NXNL2: variants seen among roughly 807,000 people sequenced by gnomAD.
The protein encoded by NXNL2 is nucleoredoxin like 2.
Under a neutral mutation model 11.1 loss-of-function variants are expected in NXNL2, and 7 were observed. The observed-to-expected ratio is 0.63, with a 90% CI of 0.36 to 1.18. The LOEUF (loss-of-function observed/expected upper bound fraction) is 1.18, where lower values mean the gene tolerates loss of function less well. Among genes scored for constraint, NXNL2 ranks in the 50% most tolerant of loss-of-function variants. NXNL2 has a pLI of 0.02. For synonymous variants in NXNL2, 109 were observed against 101.8 expected, an observed-to-expected ratio of 1.07 and a Z score of -0.42; for missense variants, 233 against 217.7, an observed-to-expected ratio of 1.07 and a Z score of -0.44.
intron 1 of NXNL2, among the ~76,000 whole-genome samples, chr9:88,540,304 T>C (rs374183731): frequency 8.0e-4 from 121 of 150,372 alleles, no homozygotes; most frequent in African/African-American, 2.7e-3. Context: ...TGCACTCCAG[T>C]CTGGGCGAAA....
In NXNL2 at chr9:88,535,494, C is replaced by G. The variant is rs750956219; in HGVS notation, c.60C>G (p.Ala20=). Residue 20 remains alanine (A), a synonymous_variant, in exon 1 of 2, where the codon GCC becomes GCG. Coordinates refer to ENST00000375854, the MANE Select transcript of NXNL2 (RefSeq NM_001161625.2). Reference sequence around the variant, plus strand: ...CCTGTAAGGGCGCGACGGTGGAGGCCGAGGCGGCGCTGCAGAACAAGGTGG... The same window carrying G: ...CCTGTAAGGGCGCGACGGTGGAGGCGGAGGCGGCGCTGCAGAACAAGGTGG... ...LVTCKGATVE[A]EAALQNKVVA... 1 of 1,609,592 alleles carries G rather than the reference C, an allele frequency of 6.2e-7. No homozygotes were observed. Among genetic ancestry groups the G allele is most frequent in the South Asian group, 1.1e-5 (1 of 90,878 alleles).
chr9:88,543,694 A>G (rs1312667216), intron 1 of NXNL2, among the ~76,000 whole-genome samples: 1 of 152,210 alleles, frequency 6.6e-6, no homozygotes, highest in Non-Finnish European at 1.5e-5. Flanking sequence ...GCCACTAGCC[A>G]CTTGTGACAA....
At chr9:88,547,797 A>T (rs183129286), downstream of NXNL2, among the ~76,000 whole-genome samples, 718 of 146,938 alleles carry the variant, frequency 4.9e-3, 6 homozygotes, top group African/African-American at 0.017. Context: ...TGGGTGGATT[A>T]CCTAAGGTCA....
chr9:88,546,428 T>TC, downstream of NXNL2, among the ~76,000 whole-genome samples: 1 of 147,750 alleles, frequency 6.8e-6, no homozygotes, highest in East Asian at 2.0e-4. Context: ...TTTTTTTTTT[T>TC]TTTTTTTCTG....
At chr9:88,565,164 C>T (rs1445513408) in intron 1 of NXNL2, among the ~76,000 whole-genome samples, 1 of 152,200 alleles carries the variant, frequency 6.6e-6, no homozygotes, top group Non-Finnish European at 1.5e-5. Context: ...CCTCAAGGTT[C>T]ATTTGTGTTG....
At chr9:88,546,183 CACA>C (rs1231350658), downstream of NXNL2, among the ~76,000 whole-genome samples, 1 of 129,756 alleles carries the variant, frequency 7.7e-6, no homozygotes, top group East Asian at 3.8e-4. Context: ...GTGTGAGAAC[CACA>C]ACCACACACT....
intron 1 of NXNL2, among the ~76,000 whole-genome samples, chr9:88,536,008 G>T (rs1829610188): frequency 6.6e-6 from 1 of 152,192 alleles, no homozygotes. Flanking sequence ...TTTCTGCCTG[G>T]GGTCTGGAGC....
chr9:88,578,098 T>A (rs1338804113), downstream of NXNL2, among the ~76,000 whole-genome samples: 1 of 152,130 alleles, frequency 6.6e-6, no homozygotes, highest in Non-Finnish European at 1.5e-5. Context: ...AAGTTAAGAG[T>A]GGGGTGGTAG....
intron 1 of NXNL2, among the ~76,000 whole-genome samples, chr9:88,564,737 C>G (rs1830142902): frequency 6.6e-6 from 1 of 152,208 alleles, no homozygotes; most frequent in African/African-American, 2.4e-5. Context: ...TCTGTCTAAT[C>G]TATTATCTGT....
chr9:88,566,984 C>T (rs1175561055), intron 1 of NXNL2, among the ~76,000 whole-genome samples: 1 of 147,532 alleles, frequency 6.8e-6, no homozygotes, highest in Non-Finnish European at 1.5e-5. Context: ...ATCTATCTAT[C>T]TATCTATCTA....
At chr9:88,574,709 C>T (rs184401335) in intron 2 of NXNL2, among the ~76,000 whole-genome samples, 8 of 152,272 alleles carry the variant, frequency 5.3e-5, no homozygotes, top group Admixed American at 3.9e-4. Flanking sequence ...ATATTTGGGG[C>T]TGGATCCTTA....
Position 88,541,036 on chromosome 9 carries a change from C to T in NXNL2, c.303-3343C>T, listed in dbSNP as rs1433744696. Among the ~76,000 whole-genome samples, 4 of 140,248 alleles carry T rather than the reference C, an allele frequency of 2.9e-5. No individual in the cohort carries two copies. In the Admixed American group the frequency reaches 2.9e-4, roughly 10 times the overall value. The allele number at this position is 140,248 out of a possible 152,430, so 92.0% of individuals were successfully genotyped here. On this transcript the variant is annotated intron_variant, in intron 1 of 1. Coordinates refer to ENST00000375854, the MANE Select transcript of NXNL2 (RefSeq NM_001161625.2). Reference sequence around the variant, plus strand: ...TCACAGCTCCCTGCAACCTTGAACTCCTGGGTTCAAGCGATCCTCATGCCT... The same window carrying T: ...TCACAGCTCCCTGCAACCTTGAACTTCTGGGTTCAAGCGATCCTCATGCCT...
In NXNL2 at chr9:88,544,517, G is replaced by T. The variant is rs376120424; in HGVS notation, c.441G>T (p.Ala147=). 6 of 1,545,914 alleles carry T rather than the reference G, an allele frequency of 3.9e-6. No individual in the cohort carries two copies. In the East Asian group the frequency reaches 1.5e-4, roughly 38 times the overall value. The change falls in exon 2 of 2, where the codon GCG becomes GCT. Residue 147 remains alanine (A), a synonymous_variant. Coordinates refer to ENST00000375854, the MANE Select transcript of NXNL2 (RefSeq NM_001161625.2). ...CCTGCTTCCAGGACTGGGTGGAGGC[G>T]GCCGATATCTTCCAGAATTTCTCCG... ...GLACFQDWVE[A]ADIFQNFSV is the part of the protein sequence containing the mutation.
chr9:88,535,815 G>A, intron 1 of NXNL2, 79 bp downstream of exon 1: 2 of 1,237,202 alleles, frequency 1.6e-6, no homozygotes, highest in African/African-American at 1.5e-5. Flanking sequence ...CTCTGCACTG[G>A]GGAGCTCTTT....
At chr9:88,538,915 C>T (rs1211506791) in intron 1 of NXNL2, among the ~76,000 whole-genome samples, 2 of 152,160 alleles carry the variant, frequency 1.3e-5, no homozygotes, top group Non-Finnish European at 2.9e-5. Context: ...GGTTAACTAG[C>T]CTGCCCATGA....
chr9:88,553,947 T>A (rs1418096566), intron 1 of NXNL2, among the ~76,000 whole-genome samples: 1 of 152,220 alleles, frequency 6.6e-6, no homozygotes, highest in Non-Finnish European at 1.5e-5. Flanking sequence ...CAAATAATCA[T>A]CTTCAGGTAA....
At position 88,535,458 on chromosome 9, in the gene NXNL2, G is replaced by T; in HGVS notation, c.24G>T (p.Arg8=). The T allele has an allele frequency of 6.2e-7, 1 of 1,604,674 alleles. No individual in the cohort carries two copies. The stretch of plus-strand genomic sequence containing the variant: ...CCATGGTTGACATTCTGGGCGAGCG[G>T]CACCTGGTGACCTGTAAGGGCGCGA... MVDILGE[R]HLVTCKGATV... Residue 8 remains arginine, a synonymous_variant, in exon 1 of 2, where the codon CGG becomes CGT. Coordinates refer to ENST00000375854, the MANE Select transcript of NXNL2 (RefSeq NM_001161625.2).
intron 1 of NXNL2, chr9:88,571,071 C>CTT (rs60872685): frequency 8.8e-3 from 3,091 of 350,550 alleles, no homozygotes; most frequent in East Asian, 0.053. Context: ...GCTTTCTTTT[C>CTT]TTTTTTTTTT....
downstream of NXNL2, among the ~76,000 whole-genome samples, chr9:88,545,239 T>C (rs2118430251): frequency 6.6e-6 from 1 of 152,318 alleles, no homozygotes; most frequent in East Asian, 1.9e-4. Context: ...TAAAAGTTAA[T>C]AATCCATCGA....
Sources: gnomAD v4.1 joint callset for allele counts (sites outside exome capture counted in the v4.1 genomes callset) on GRCh38, gnomAD v4.1.1 for gene constraint, MANE v1.5 for transcripts, NCBI Gene and HGNC (gene_info 2026-07-23, HGNC 2026-07-21) for gene names.